FGF12: variants seen among roughly 807,000 people sequenced by gnomAD.
FGF12 encodes the protein fibroblast growth factor 12.
FGF12 carries 14 observed loss-of-function variants against 23.6 expected under a neutral mutation model. The observed-to-expected ratio is 0.59, with a 90% CI of 0.39 to 0.93. The LOEUF is 0.93. Ranked by LOEUF, FGF12 falls within the 40% of genes least tolerant of loss-of-function variation. The pLI, the probability that FGF12 is intolerant of heterozygous loss-of-function variation, is 0.00. For missense variants in FGF12, 175 were observed against 217.8 expected, an observed-to-expected ratio of 0.80 and a Z score of 1.24; for synonymous variants, 62 against 77.3, an observed-to-expected ratio of 0.80 and a Z score of 1.04.
chr3:192,271,583 C>G (rs1018056617), intron 4 of FGF12, among the ~76,000 whole-genome samples: 3 of 152,202 alleles, frequency 2.0e-5, no homozygotes, highest in Non-Finnish European at 4.4e-5. Flanking sequence ...CCTATCACCT[C>G]TGCCTTCCTT....
intron 2 of FGF12, among the ~76,000 whole-genome samples, chr3:192,511,002 T>A (rs923271734): frequency 6.6e-6 from 1 of 152,108 alleles, no homozygotes; most frequent in East Asian, 1.9e-4. Flanking sequence ...TTTTATAGGA[T>A]CGTTGAGGTT....
intron 4 of FGF12, among the ~76,000 whole-genome samples, chr3:192,195,334 G>A (rs759141034): frequency 1.6e-4 from 25 of 152,078 alleles, no homozygotes; most frequent in Admixed American, 2.6e-4. Context: ...CGTATTTATC[G>A]TGTACAACAT....
chr3:192,648,819 T>C (rs1716106382), intron 2 of FGF12, among the ~76,000 whole-genome samples: 2 of 152,222 alleles, frequency 1.3e-5, no homozygotes, highest in Non-Finnish European at 2.9e-5. Flanking sequence ...AGGCTTTCCA[T>C]TGAGTAACAA....
At chr3:192,253,861 G>A (rs1219417725) in intron 4 of FGF12, among the ~76,000 whole-genome samples, 2 of 151,976 alleles carry the variant, frequency 1.3e-5, no homozygotes, top group Non-Finnish European at 2.9e-5. Flanking sequence ...GTTTAAAACA[G>A]CTATTTGTAA....
In FGF12 at chr3:192,167,772, A is replaced by ATTT. The variant is rs368951795; in HGVS notation, c.427+2683_427+2685dup. The stretch of plus-strand genomic sequence containing the variant: ...ATATATATATATATATATATATAAA[A>ATTT]TTTTTTTTTTTTTTTTTTTTTGAGA... On this transcript the variant is annotated intron_variant, in intron 5 of 5. Transcript: ENST00000445105. Among the ~76,000 whole-genome samples the ATTT allele has an allele frequency of 4.0e-3, 62 of 15,400 alleles. 8 individuals are homozygous for ATTT. Among genetic ancestry groups the ATTT allele is most frequent in the Middle Eastern group, 0.062 (1 of 16 alleles). 10.1% of individuals were successfully genotyped at this position (15,400 alleles called of 152,430 possible).
At chr3:192,387,010 A>G (rs1185874911) in intron 2 of FGF12, among the ~76,000 whole-genome samples, 1 of 152,258 alleles carries the variant, frequency 6.6e-6, no homozygotes, top group East Asian at 1.9e-4. Context: ...TACATTGTAC[A>G]ATATAAATAA....
rs142882712 is a variant in FGF12, at chr3:192,253,870, A to G, written c.228+81491T>C. On this transcript the variant is annotated intron_variant, in intron 4 of 5. Transcript: ENST00000445105. Reference sequence around the variant, plus strand: ...TAACTGGTTTAAAACAGCTATTTGTAAAACCACCACAGTATTTTAAAAATT... The same window carrying G: ...TAACTGGTTTAAAACAGCTATTTGTGAAACCACCACAGTATTTTAAAAATT... 6.5e-3 allele frequency among the ~76,000 whole-genome samples: 989 copies of G among 152,220 alleles called. 24 individuals carry two copies. The highest frequency in any genetic ancestry group is 0.046 in the Admixed American group (701 of 15,280).
Position 192,369,872 on chromosome 3 carries a change from G to A in FGF12, c.14-9334C>T, listed in dbSNP as rs150674960. Among the ~76,000 whole-genome samples the A allele has an allele frequency of 1.9e-3, 286 of 152,190 alleles. 2 individuals are homozygous for A. Among genetic ancestry groups the A allele is most frequent in the African/African-American group, 6.6e-3 (274 of 41,520 alleles). On this transcript the variant is annotated intron_variant, in intron 2 of 5. Transcript: ENST00000445105. ...CATAAATGAACAAATAAAATGCCAC[G>A]GAATCACAGAATGGGGATGCTAATT...
chr3:192,725,951 T>A (rs1479220115), intron 2 of FGF12, among the ~76,000 whole-genome samples: 1 of 152,222 alleles, frequency 6.6e-6, no homozygotes, highest in Non-Finnish European at 1.5e-5. Context: ...CAATGTATCA[T>A]AAGAATAATC....
At chr3:192,656,397 T>C (rs539340245) in intron 2 of FGF12, among the ~76,000 whole-genome samples, 9 of 151,546 alleles carry the variant, frequency 5.9e-5, no homozygotes, top group African/African-American at 1.7e-4. Context: ...TTAAACACAC[T>C]CAGCATTCAC....
Position 192,346,643 on chromosome 3 carries a change from T to C in FGF12, c.125-11179A>G, listed in dbSNP as rs549025473. 1.6e-4 allele frequency among the ~76,000 whole-genome samples: 24 copies of C among 152,316 alleles called. No individual in the cohort carries two copies. The South Asian group carries it at 4.3e-3, about 28-fold the overall frequency. On this transcript the variant is annotated intron_variant, in intron 3 of 5. Coordinates refer to ENST00000445105, the MANE Select transcript of FGF12 (RefSeq NM_004113.6). ...ACTAGAACGCAGTTGGCCTTCAATATGTTGGTATTAATGAAAATAAAGCAT... is the reference window on the plus strand; with the variant it reads ...ACTAGAACGCAGTTGGCCTTCAATACGTTGGTATTAATGAAAATAAAGCAT...
chr3:192,570,180 A>T (rs1010189628), intron 2 of FGF12, among the ~76,000 whole-genome samples: 1 of 152,218 alleles, frequency 6.6e-6, no homozygotes, highest in African/African-American at 2.4e-5. Flanking sequence ...CAAGACAGGG[A>T]TGTAATACAA....
chr3:192,417,489 C>T (rs530319252), intron 2 of FGF12, among the ~76,000 whole-genome samples: 22 of 152,082 alleles, frequency 1.4e-4, no homozygotes, highest in African/African-American at 5.3e-4. Flanking sequence ...AAGATAGACA[C>T]TGTAAGCATG....
intron 4 of FGF12, among the ~76,000 whole-genome samples, chr3:192,310,608 T>C (rs1191721571): frequency 6.6e-6 from 1 of 152,280 alleles, no homozygotes; most frequent in Admixed American, 6.5e-5. Context: ...GTACAAAATA[T>C]TATAAAATAT....
At chr3:192,185,025 T>C (rs1482863287) in intron 4 of FGF12, among the ~76,000 whole-genome samples, 1 of 152,228 alleles carries the variant, frequency 6.6e-6, no homozygotes, top group Non-Finnish European at 1.5e-5. Flanking sequence ...TGCTGTGCTT[T>C]CACATGTGGC....
chr3:192,495,453 A>ATC (rs1267273664), intron 2 of FGF12, among the ~76,000 whole-genome samples: 1 of 151,882 alleles, frequency 6.6e-6, no homozygotes, highest in Admixed American at 6.6e-5. Context: ...CAACAATGAT[A>ATC]TATATAAACC....
intron 2 of FGF12, among the ~76,000 whole-genome samples, chr3:192,560,723 C>A (rs1711984797): frequency 6.6e-6 from 1 of 152,006 alleles, no homozygotes; most frequent in Non-Finnish European, 1.5e-5. Context: ...GTTGGTTTAA[C>A]TGCTGAACTA....
rs1387129781 is a variant in FGF12 at position 192,567,769 on chromosome 3, CTTTCTT to C, written c.13+159406_13+159411del. 1.2e-4 allele frequency among the ~76,000 whole-genome samples: 16 copies of C among 133,564 alleles called. No homozygotes were observed. In the East Asian group the frequency reaches 3.3e-3, roughly 28 times the overall value. The allele number at this position is 133,564 out of a possible 152,430, so 87.6% of individuals were successfully genotyped here. A position where few individuals can be genotyped will look rare whatever the true frequency, so the allele number is the denominator to read the frequency against. ...TCTTTCTTTCTTTCTTTCTTTCTTT[CTTTCTT>C]TCTTTCTTTCTTTCTTTCTTTCTTT... On this transcript the variant is annotated intron_variant, in intron 2 of 5. Transcript: ENST00000445105.
intron 2 of FGF12, among the ~76,000 whole-genome samples, chr3:192,586,989 C>T (rs1372421416): frequency 6.6e-6 from 1 of 152,192 alleles, no homozygotes; most frequent in Admixed American, 6.5e-5. Context: ...AAGAGTCTAA[C>T]ATGATAATTC....
Sources: gnomAD v4.1 joint callset for allele counts (sites outside exome capture counted in the v4.1 genomes callset) on GRCh38, gnomAD v4.1.1 for gene constraint, MANE v1.5 for transcripts, NCBI Gene and HGNC (gene_info 2026-07-23, HGNC 2026-07-21) for gene names.